The following PLA2G4A variants were observed in gnomAD, a reference collection of about 807,000 sequenced individuals.
The protein encoded by PLA2G4A is cytosolic phospholipase A2.
PLA2G4A carries 40 observed loss-of-function variants against 81.9 expected under a neutral mutation model. The observed-to-expected ratio is 0.49, with a 90% CI of 0.38 to 0.64. The LOEUF is 0.64. Ranked by LOEUF, PLA2G4A falls within the 30% of genes least tolerant of loss-of-function variation. The pLI is 0.00. For synonymous variants in PLA2G4A, 302 were observed against 296.9 expected (o/e 1.02, Z -0.18); for missense variants, 715 against 905.1 (o/e 0.79, Z 2.69).
intron 5 of PLA2G4A, among the ~76,000 whole-genome samples, chr1:186,902,251 T>C (rs1654566896): frequency 6.6e-6 from 1 of 152,170 alleles, no homozygotes; most frequent in Non-Finnish European, 1.5e-5. Flanking sequence ...ATTGCAAATA[T>C]GTTTCATCAT....
chr1:186,917,568 T>TAATG (rs1024589829), intron 7 of PLA2G4A, among the ~76,000 whole-genome samples: 3 of 152,198 alleles, frequency 2.0e-5, no homozygotes, highest in African/African-American at 7.2e-5. Context: ...AAGTGATTCC[T>TAATG]AATGCCTTTG....
intron 17 of PLA2G4A, among the ~76,000 whole-genome samples, chr1:186,986,030 G>A (rs1354582463): frequency 1.3e-5 from 2 of 151,620 alleles, no homozygotes; most frequent in African/African-American, 4.9e-5. Context: ...CAAGAACAGG[G>A]TATTTTCCGC....
intron 12 of PLA2G4A, 43 bp from the exon 13 acceptor site, chr1:186,950,614 T>C (rs755785255): frequency 9.5e-7 from 1 of 1,051,834 alleles, no homozygotes; most frequent in East Asian, 2.4e-5. Flanking sequence ...ATTGTTAATT[T>C]TGACACCTGA....
At chr1:186,921,258 C>T (rs555901724) in intron 7 of PLA2G4A, among the ~76,000 whole-genome samples, 1 of 152,152 alleles carries the variant, frequency 6.6e-6, no homozygotes, top group Non-Finnish European at 1.5e-5. Flanking sequence ...GCTCCTGTAG[C>T]CACTTAGTTG....
At chr1:186,937,272 AG>A (rs1203318056) in intron 8 of PLA2G4A, among the ~76,000 whole-genome samples, 1 of 151,832 alleles carries the variant, frequency 6.6e-6, no homozygotes, top group African/African-American at 2.4e-5. Context: ...AGAGAGAGAG[AG>A]AGAGAACACC....
rs12720488 is a variant in PLA2G4A, at chr1:186,838,801, G to A, written c.-70+9766G>A. On this transcript the variant is annotated intron_variant, in intron 1 of 17. Transcript: ENST00000367466. ...CCTAAGATAAGGGTTTATAGACTTC[G>A]AATCATTAGAATTCCACAATGTAAA... Among the ~76,000 whole-genome samples, 740 of 152,100 alleles carry A rather than the reference G, an allele frequency of 4.9e-3. 3 individuals carry two copies. The highest frequency in any genetic ancestry group is 0.017 in the African/African-American group (687 of 41,498).
intron 14 of PLA2G4A, among the ~76,000 whole-genome samples, chr1:186,962,802 T>C (rs1332820571): frequency 6.8e-6 from 1 of 147,202 alleles, no homozygotes; most frequent in Non-Finnish European, 1.5e-5. Context: ...TTAACAGGCG[T>C]GAGCCACTGC....
intron 4 of PLA2G4A, among the ~76,000 whole-genome samples, chr1:186,893,655 C>T (rs1654226681): frequency 1.3e-5 from 2 of 152,020 alleles, no homozygotes; most frequent in South Asian, 4.1e-4. Context: ...ATTGGCCGGG[C>T]ACTGTGGCTC....
chr1:186,916,465 T>C (rs1407409171), intron 7 of PLA2G4A, among the ~76,000 whole-genome samples: 1 of 152,184 alleles, frequency 6.6e-6, no homozygotes, highest in Non-Finnish European at 1.5e-5. Context: ...TCATATAGCC[T>C]TTTTCCCAAC....
At chr1:186,910,983 C>T (rs1654917553) in intron 6 of PLA2G4A, among the ~76,000 whole-genome samples, 1 of 152,182 alleles carries the variant, frequency 6.6e-6, no homozygotes, top group African/African-American at 2.4e-5. Context: ...TTATAATATT[C>T]AACTTATCAG....
At chr1:186,844,187 C>T (rs533147271) in intron 1 of PLA2G4A, among the ~76,000 whole-genome samples, 2 of 152,204 alleles carry the variant, frequency 1.3e-5, no homozygotes, top group East Asian at 1.9e-4. Context: ...GTGTTCCTGT[C>T]GTAAACTGAG....
intron 7 of PLA2G4A, among the ~76,000 whole-genome samples, chr1:186,913,687 C>G (rs1351339260): frequency 6.6e-6 from 1 of 152,080 alleles, no homozygotes; most frequent in African/African-American, 2.4e-5. Context: ...CTTGTACACT[C>G]TTGAATTATT....
intron 7 of PLA2G4A, among the ~76,000 whole-genome samples, chr1:186,932,507 G>A (rs1156639775): frequency 6.6e-6 from 1 of 151,832 alleles, no homozygotes; most frequent in African/African-American, 2.4e-5. Context: ...CACCATGTTG[G>A]TCAGGCTGGT....
intron 15 of PLA2G4A, among the ~76,000 whole-genome samples, chr1:186,976,936 A>G (rs114351695): frequency 1.7e-3 from 262 of 152,290 alleles, no homozygotes; most frequent in African/African-American, 6.1e-3. Context: ...GGAATGTATA[A>G]CCAGCTTACC....
At chr1:186,830,309 A>T (rs1054567820) in intron 1 of PLA2G4A, among the ~76,000 whole-genome samples, 2 of 152,174 alleles carry the variant, frequency 1.3e-5, no homozygotes, top group African/African-American at 4.8e-5. Context: ...ACATATTTTT[A>T]AAAAGTAAGT....
intron 1 of PLA2G4A, among the ~76,000 whole-genome samples, chr1:186,847,507 T>C (rs1307368648): frequency 6.6e-6 from 1 of 152,094 alleles, no homozygotes; most frequent in Non-Finnish European, 1.5e-5. Flanking sequence ...TATTGGACTT[T>C]AAAGTAGAAG....
chr1:186,957,591 G>A (rs1174635809), intron 14 of PLA2G4A, among the ~76,000 whole-genome samples: 1 of 152,222 alleles, frequency 6.6e-6, no homozygotes, highest in Non-Finnish European at 1.5e-5. Context: ...TGACTCCCTA[G>A]TGCAACATAG....
At chr1:186,965,155 C>T (rs1028039368) in intron 14 of PLA2G4A, among the ~76,000 whole-genome samples, 3 of 152,192 alleles carry the variant, frequency 2.0e-5, no homozygotes, top group Admixed American at 1.3e-4. Flanking sequence ...GCTTTCCATG[C>T]GTTGTCCCTA....
intron 5 of PLA2G4A, among the ~76,000 whole-genome samples, chr1:186,897,799 A>G (rs12097804): frequency 0.37 from 56,698 of 152,080 alleles, 12,407 homozygotes; most frequent in Non-Finnish European, 0.49. Flanking sequence ...GTGAGCCACC[A>G]CACCCAGCCT....
Sources: allele counts gnomAD v4.1 joint callset (sites outside exome capture counted in the v4.1 genomes callset), GRCh38; gene constraint gnomAD v4.1.1; transcripts MANE v1.5; gene names NCBI Gene and HGNC (gene_info 2026-07-23, HGNC 2026-07-21).